DHRS3: variants seen among roughly 807,000 people sequenced by gnomAD.
DHRS3 encodes the protein dehydrogenase/reductase 3, also known as short-chain dehydrogenase/reductase 3.
A neutral mutation model predicts 27.2 loss-of-function variants in DHRS3; 14 were observed. That is an observed-to-expected ratio of 0.52 (90% CI 0.34 to 0.81). The LOEUF (loss-of-function observed/expected upper bound fraction) is 0.81, where lower values mean the gene tolerates loss of function less well. Among genes scored for constraint, DHRS3 ranks in the 30% least tolerant of loss-of-function variants. The pLI is 0.01. For synonymous variants in DHRS3, 165 were observed against 175.9 expected (o/e 0.94, Z 0.49); for missense variants, 322 against 406.2 (o/e 0.79, Z 1.78).
rs1217270969 is a variant in DHRS3 at position 12,574,616 on chromosome 1, G to A, written c.699-1763C>T. Among the ~76,000 whole-genome samples the A allele has an allele frequency of 6.6e-6, 1 of 152,202 alleles. No homozygotes were observed. The highest frequency in any genetic ancestry group is 1.5e-5 in the Non-Finnish European group (1 of 68,032). ...GGTCTGGATTCTCTGGCTTCCACCTGTGGCCTGGCCTGTCTCTTGGGAAAG... is the reference window on the plus strand; with the variant it reads ...GGTCTGGATTCTCTGGCTTCCACCTATGGCCTGGCCTGTCTCTTGGGAAAG... On this transcript the variant is annotated intron_variant, in intron 4 of 5. Coordinates refer to ENST00000616661, the MANE Select transcript of DHRS3 (RefSeq NM_004753.7). The surrounding 1 kb of genome is among the most constrained non-coding windows in gnomAD (Gnocchi z 4.6).
chr1:12,572,563 G>C (rs974280903), intron 5 of DHRS3, among the ~76,000 whole-genome samples, 165 bp downstream of exon 5: 1 of 152,152 alleles, frequency 6.6e-6, no homozygotes, highest in Non-Finnish European at 1.5e-5. Context: ...AAAACTCTAA[G>C]GGGCCCCGTG....
At chr1:12,609,517 G>C (rs1646892891) in intron 1 of DHRS3, among the ~76,000 whole-genome samples, 1 of 152,150 alleles carries the variant, frequency 6.6e-6, no homozygotes, top group Non-Finnish European at 1.5e-5. Context: ...TATCAGAGGA[G>C]GCCCTCAGCA....
chr1:12,576,338 G>A (rs1281415247), intron 4 of DHRS3, among the ~76,000 whole-genome samples: 1 of 151,876 alleles, frequency 6.6e-6, no homozygotes, highest in Non-Finnish European at 1.5e-5. Context: ...CGAGGTGGAC[G>A]GATCACGAGG....
At chr1:12,616,757 G>A (rs1213297074) in intron 1 of DHRS3, 2 of 1,020,354 alleles carry the variant, frequency 2.0e-6, no homozygotes, top group African/African-American at 3.5e-5. Flanking sequence ...CTAGCAGGCG[G>A]CTCCCAGCTC....
chr1:12,601,360 G>T (rs1017620611), intron 1 of DHRS3, among the ~76,000 whole-genome samples: 23 of 152,112 alleles, frequency 1.5e-4, no homozygotes, highest in African/African-American at 5.5e-4. Context: ...CAGGACTTCT[G>T]GGCAAAGAAC....
rs1646701982 is a variant in DHRS3 at position 12,586,968 on chromosome 1, C to G, written c.196-6302G>C. ...AAAAGCTGAGAAAATCATAGCACTGCCTCTGATACACCCTCTTCACTGCCT... is the reference window on the plus strand; with the variant it reads ...AAAAGCTGAGAAAATCATAGCACTGGCTCTGATACACCCTCTTCACTGCCT... On this transcript the variant is annotated intron_variant, in intron 1 of 5. Coordinates refer to ENST00000616661, the MANE Select transcript of DHRS3 (RefSeq NM_004753.7). This position sits in a 1 kb window ranked among gnomAD's most constrained non-coding sequence, Gnocchi z 5.0. Among the ~76,000 whole-genome samples, 1 of 147,824 alleles carries G rather than the reference C, an allele frequency of 6.8e-6. No homozygotes were observed.
chr1:12,604,220 A>T (rs776580409), intron 1 of DHRS3, among the ~76,000 whole-genome samples: 13 of 152,122 alleles, frequency 8.5e-5, no homozygotes, highest in Admixed American at 5.2e-4. Context: ...ATTTACAGTG[A>T]TCAAAGCTCT....
At chr1:12,568,575 A>G (rs1039363379) in intron 5 of DHRS3, 151 bp from the exon 6 acceptor site, 4 of 686,072 alleles carry the variant, frequency 5.8e-6, no homozygotes, top group Admixed American at 4.5e-5. Flanking sequence ...TTTCTCCCCA[A>G]ACCCCCACCC....
rs1202622241 is a variant in DHRS3 at position 12,617,880 on chromosome 1, T to TG, written c.-533dup. Reference sequence around the variant, plus strand: ...TCCAGAAAAAAAAAAAAAAAAAAAGTGGGGGGAAAAAGTGCTTGGAGCTCC... The same window carrying TG: ...TCCAGAAAAAAAAAAAAAAAAAAAGTGGGGGGGAAAAAGTGCTTGGAGCTCC... On this transcript the variant is annotated 5_prime_UTR_variant, in exon 1 of 6. Coordinates refer to ENST00000616661, the MANE Select transcript of DHRS3 (RefSeq NM_004753.7). 9.0e-5 allele frequency: 1 copy of TG among 11,098 alleles called. No individual in the cohort carries two copies. Among genetic ancestry groups the TG allele is most frequent in the Non-Finnish European group, 1.7e-4 (1 of 5,778 alleles). The allele number at this position is 11,098 out of a possible 1,614,324, so 0.7% of individuals were successfully genotyped here. A position where few individuals can be genotyped will look rare whatever the true frequency, so the allele number is the denominator to read the frequency against.
At chr1:12,607,525 T>A (rs1255858895) in intron 1 of DHRS3, among the ~76,000 whole-genome samples, 1 of 152,210 alleles carries the variant, frequency 6.6e-6, no homozygotes, top group Non-Finnish European at 1.5e-5. Flanking sequence ...GGTGCCTTGC[T>A]TCCCCTTCTC....
intron 2 of DHRS3, chr1:12,579,725 G>A (rs1427418833): frequency 2.3e-5 from 6 of 266,502 alleles, no homozygotes; most frequent in Middle Eastern, 1.3e-3. Context: ...CGCCTGCCTC[G>A]GTCTCCCAAA....
At chr1:12,581,782 C>T (rs565519934) in intron 1 of DHRS3, among the ~76,000 whole-genome samples, 14 of 152,302 alleles carry the variant, frequency 9.2e-5, no homozygotes, top group Non-Finnish European at 8.8e-5. Context: ...TAAGAACCAG[C>T]TTCACCAGCA....
chr1:12,578,926 C>A lies in DHRS3; in HGVS notation c.490G>T (p.Glu164Ter). The A allele has an allele frequency of 1.2e-6, 2 of 1,613,428 alleles. No homozygotes were observed. Among genetic ancestry groups the A allele is most frequent in the South Asian group, 2.2e-5 (2 of 91,038 alleles). ...TTKAFLPRML[E>*]LQNGHIVCLN... ...CACACGATGTGGCCATTCTGCAGCT[C>A]CAGCATACGCGGCAGGAAGGCCTTG... is the stretch of plus-strand genomic sequence containing the variant. The change falls in exon 4 of 6, where the codon GAG becomes TAG. Residue 164 changes from glutamate (E) to a stop codon, truncating the protein, a stop_gained. Transcript: ENST00000616661. LOFTEE classifies it high-confidence loss of function. This position sits in a 1 kb window ranked among gnomAD's most constrained non-coding sequence, Gnocchi z 4.5.
chr1:12,572,159 A>G (rs1225869544), intron 5 of DHRS3, among the ~76,000 whole-genome samples: 1 of 152,076 alleles, frequency 6.6e-6, no homozygotes, highest in Admixed American at 6.6e-5. Context: ...AACTTACAAC[A>G]TTTTTCTGGC....
intron 1 of DHRS3, among the ~76,000 whole-genome samples, chr1:12,590,561 C>T (rs963953815): frequency 3.6e-4 from 55 of 152,206 alleles, no homozygotes; most frequent in Middle Eastern, 3.4e-3. Flanking sequence ...CCACCTGCCT[C>T]GGCCTCCCAA....
chr1:12,606,020 C>T (rs1646867994), intron 1 of DHRS3, among the ~76,000 whole-genome samples: 1 of 151,676 alleles, frequency 6.6e-6, no homozygotes, highest in Non-Finnish European at 1.5e-5. Flanking sequence ...CGCCTGTAGT[C>T]CCAGCTACTT....
intron 1 of DHRS3, among the ~76,000 whole-genome samples, chr1:12,599,271 G>GA (rs1256883337): frequency 3.3e-5 from 5 of 152,278 alleles, no homozygotes; most frequent in Admixed American, 6.5e-5. Context: ...CATTCAATGG[G>GA]AAATGGCCAG....
intron 1 of DHRS3, among the ~76,000 whole-genome samples, chr1:12,598,664 T>C (rs1327230323): frequency 6.6e-6 from 1 of 152,216 alleles, no homozygotes; most frequent in Non-Finnish European, 1.5e-5. Flanking sequence ...GTATATGGCC[T>C]ATCTGCTGGA....
At chr1:12,582,768 A>G (rs1646654929) in intron 1 of DHRS3, among the ~76,000 whole-genome samples, 1 of 150,094 alleles carries the variant, frequency 6.7e-6, no homozygotes, top group Non-Finnish European at 1.5e-5. Flanking sequence ...CCATCCGTCC[A>G]CTCTCCCGTT....
Sources: gnomAD v4.1 joint callset for allele counts (sites outside exome capture counted in the v4.1 genomes callset) on GRCh38, gnomAD v4.1.1 for gene constraint, Gnocchi (gnomAD v3.1) non-coding constraint, MANE v1.5 for transcripts, NCBI Gene and HGNC (gene_info 2026-07-23, HGNC 2026-07-21) for gene names.